Variants in FAM171A1 observed in about 807,000 individuals in gnomAD.
The protein encoded by FAM171A1 is family with sequence similarity 171 member A1, also known as protein FAM171A1.
In FAM171A1, 23 loss-of-function variants were observed where a neutral mutation model predicts 74.9. The observed-to-expected ratio is 0.31, with a 90% CI of 0.22 to 0.44. FAM171A1 has a LOEUF of 0.44. Ranked by LOEUF, FAM171A1 falls within the 20% of genes least tolerant of loss-of-function variation. FAM171A1 has a pLI of 1.00. For synonymous variants in FAM171A1, 527 were observed against 505.7 expected (o/e 1.04, Z -0.57); for missense variants, 1,162 against 1,159.2 (o/e 1.00, Z -0.03).
intron 3 of FAM171A1, among the ~76,000 whole-genome samples, chr10:15,269,717 C>G (rs764398187): frequency 3.3e-4 from 50 of 152,208 alleles, no homozygotes; most frequent in Admixed American, 1.4e-3. Flanking sequence ...GTGGCCCAAA[C>G]AAGATGAACA....
At chr10:15,322,693 G>C (rs1044597928) in intron 1 of FAM171A1, among the ~76,000 whole-genome samples, 1 of 152,250 alleles carries the variant, frequency 6.6e-6, no homozygotes, top group South Asian at 2.1e-4. Context: ...GCCCTCCAGA[G>C]TGGGGTCATT....
intron 2 of FAM171A1, among the ~76,000 whole-genome samples, chr10:15,279,089 A>G (rs1016928583): frequency 2.6e-5 from 4 of 152,080 alleles, no homozygotes; most frequent in Non-Finnish European, 5.9e-5. Context: ...CAAGGCCCTG[A>G]CCACCTCTGA....
At chr10:15,295,810 G>A (rs1383841832) in intron 1 of FAM171A1, among the ~76,000 whole-genome samples, 1 of 152,164 alleles carries the variant, frequency 6.6e-6, no homozygotes, top group Non-Finnish European at 1.5e-5. Context: ...CCTGGGCCAG[G>A]GAGGCCAGCT....
At chr10:15,263,069 G>A (rs1237331086) in intron 3 of FAM171A1, among the ~76,000 whole-genome samples, 2 of 152,196 alleles carry the variant, frequency 1.3e-5, no homozygotes, top group African/African-American at 4.8e-5. Flanking sequence ...GGACCATCTG[G>A]GAAACATGAG....
At chr10:15,337,487 C>G (rs1378089767) in intron 1 of FAM171A1, among the ~76,000 whole-genome samples, 3 of 150,884 alleles carry the variant, frequency 2.0e-5, no homozygotes, top group Admixed American at 6.6e-5. Context: ...CCTGTAATCC[C>G]AGCACTTTAA....
At chr10:15,221,127 T>A in intron 5 of FAM171A1, 67 bp from the exon 6 acceptor site, 1 of 1,328,016 alleles carries the variant, frequency 7.5e-7, no homozygotes, top group East Asian at 2.4e-5. Context: ...TTGAGCATAT[T>A]GTAAAAGTCA....
At chr10:15,341,781 A>G (rs4750624) in intron 1 of FAM171A1, among the ~76,000 whole-genome samples, 135,203 of 152,090 alleles carry the variant, frequency 0.89, 60,125 homozygotes, top group East Asian at 1. Context: ...ACATCACGAC[A>G]GAAAAGGGAC....
At chr10:15,290,957 C>T (rs1053663443) in intron 1 of FAM171A1, among the ~76,000 whole-genome samples, 7 of 152,282 alleles carry the variant, frequency 4.6e-5, no homozygotes, top group Non-Finnish European at 7.3e-5. Flanking sequence ...CTCAAGCGAT[C>T]CTCTCACCTC....
chr10:15,361,236 C>T lies in FAM171A1; in HGVS notation c.97+9720G>A, dbSNP rs537352102. On this transcript the variant is annotated intron_variant, in intron 1 of 7. Transcript: ENST00000378116. ...GTTAATATACATTTCCCTTAGAATACACTTCTTATTGACTCCTCTGTGAGG... is the reference window on the plus strand; with the variant it reads ...GTTAATATACATTTCCCTTAGAATATACTTCTTATTGACTCCTCTGTGAGG... 7.2e-5 allele frequency among the ~76,000 whole-genome samples: 11 copies of T among 152,264 alleles called. No homozygotes were observed. The South Asian group carries it at 1.9e-3, about 26-fold the overall frequency.
chr10:15,260,149 C>T (rs1020045892), intron 3 of FAM171A1, among the ~76,000 whole-genome samples: 1 of 152,066 alleles, frequency 6.6e-6, no homozygotes, highest in Non-Finnish European at 1.5e-5. Context: ...TACATTCATG[C>T]ATCTCCATGT....
At chr10:15,369,895 G>A (rs1291072212) in intron 1 of FAM171A1, among the ~76,000 whole-genome samples, 2 of 152,236 alleles carry the variant, frequency 1.3e-5, no homozygotes, top group Non-Finnish European at 1.5e-5. Flanking sequence ...GGGTTCTGCA[G>A]GGCTGCAGGG....
intron 1 of FAM171A1, among the ~76,000 whole-genome samples, chr10:15,328,508 G>T (rs10737094): frequency 0.97 from 148,443 of 152,328 alleles, 72,425 homozygotes; most frequent in East Asian, 1. Context: ...GTTTAACCCT[G>T]GATACAGAGC....
Position 15,213,258 on chromosome 10 carries a change from G to A in FAM171A1, c.2330C>T (p.Pro777Leu). The change falls in exon 8 of 8, where the codon CCT (proline) becomes CTT (leucine). Residue 777 changes from proline to leucine, a missense_variant. By Grantham distance (98) the Pro-to-Leu change is moderately conservative. Coordinates refer to ENST00000378116, the MANE Select transcript of FAM171A1 (RefSeq NM_001010924.2). The surrounding 1 kb of genome is among the most constrained non-coding windows in gnomAD (Gnocchi z 6.8). ...GTAGGCCGTGCTGTCTGGGGCTCGA[G>A]GCTCTTTCTGCTGGTGCTCTTGGAC... ...PPVQEHQQKE[P>L]RAPDSTAYTQ... 1.2e-6 allele frequency: 2 copies of A among 1,614,094 alleles called. No homozygotes were observed. The highest frequency in any genetic ancestry group is 2.2e-5 in the East Asian group (1 of 44,866).
At position 15,213,110 on chromosome 10, in the gene FAM171A1, G is replaced by C. The variant is rs1833913436; in HGVS notation, c.2478C>G (p.Gly826=). Residue 826 remains glycine, a synonymous_variant, in exon 8 of 8, where the codon GGC becomes GGG. Coordinates refer to ENST00000378116, the MANE Select transcript of FAM171A1 (RefSeq NM_001010924.2). This position sits in a 1 kb window ranked among gnomAD's most constrained non-coding sequence, Gnocchi z 6.8. The stretch of plus-strand genomic sequence containing the variant: ...TCTCCTCCTGCAGGCTGGGCAGCTG[G>C]CCACCACTTCTCCGACTCGACCCCT... ...LLEGSSRRSG[G]QLPSLQEETT... 6.2e-7 allele frequency: 1 copy of C among 1,613,746 alleles called. No homozygotes were observed. The highest frequency in any genetic ancestry group is 1.7e-5 in the Admixed American group (1 of 60,002).
intron 1 of FAM171A1, among the ~76,000 whole-genome samples, chr10:15,325,999 T>C (rs1835550848): frequency 6.6e-6 from 1 of 152,182 alleles, no homozygotes. Context: ...TCAAATCACA[T>C]TGTAAATACC....
At chr10:15,241,399 G>A (rs1293341427) in intron 5 of FAM171A1, 1 of 152,226 alleles carries the variant, frequency 6.6e-6, no homozygotes, top group Non-Finnish European at 1.5e-5. Context: ...TAAGAGGACA[G>A]ATAGTAAATA....
At chr10:15,293,544 C>A (rs1835126195) in intron 1 of FAM171A1, among the ~76,000 whole-genome samples, 1 of 47,744 alleles carries the variant, frequency 2.1e-5, no homozygotes, top group African/African-American at 1.1e-4. Flanking sequence ...GGCTAGGAAC[C>A]TGTAAAAAAA....
chr10:15,216,421 C>A (rs1484848313), intron 6 of FAM171A1, among the ~76,000 whole-genome samples: 1 of 152,074 alleles, frequency 6.6e-6, no homozygotes, highest in Non-Finnish European at 1.5e-5. Flanking sequence ...ATTTGAAATA[C>A]ATGATCTTTT....
chr10:15,227,182 AT>A (rs1834119759), intron 5 of FAM171A1, among the ~76,000 whole-genome samples: 1 of 152,016 alleles, frequency 6.6e-6, no homozygotes, highest in Non-Finnish European at 1.5e-5. Context: ...TGTATTTTTA[AT>A]GGAAATGGAG....
Sources: gnomAD v4.1 joint callset for allele counts (sites outside exome capture counted in the v4.1 genomes callset) on GRCh38, gnomAD v4.1.1 for gene constraint, Gnocchi (gnomAD v3.1) non-coding constraint, MANE v1.5 for transcripts, NCBI Gene and HGNC (gene_info 2026-07-23, HGNC 2026-07-21) for gene names.